CMSS1: variants seen among roughly 807,000 people sequenced by gnomAD.
The protein encoded by CMSS1 is cms1 ribosomal small subunit homolog, also known as protein CMSS1.
In CMSS1, 33 loss-of-function variants were observed where a neutral mutation model predicts 43.5. The observed-to-expected ratio is 0.76, with a 90% confidence interval of 0.57 to 1.01. CMSS1 has a LOEUF of 1.01. CMSS1 is among the 50% of genes least tolerant of loss of function. The probability of loss-of-function intolerance (pLI) is 0.00; values close to 1 mark genes in which losing one functional copy is unlikely to be tolerated. For missense variants in CMSS1, 313 were observed against 326.4 expected (o/e 0.96, Z 0.32); for synonymous variants, 115 against 117.2 (o/e 0.98, Z 0.12).
rs188812104 is a variant in CMSS1 at position 100,036,881 on chromosome 3, A to G, written c.65-110092A>G. 2.0e-5 allele frequency among the ~76,000 whole-genome samples: 3 copies of G among 152,164 alleles called. No individual in the cohort carries two copies. In the South Asian group the frequency reaches 6.2e-4, roughly 31 times the overall value. On this transcript the variant is annotated intron_variant, in intron 1 of 9. Transcript: ENST00000421999. Reference sequence around the variant, plus strand: ...TATTACGCAGTGAGAAAGATACGTTATTTCTGTGGTATTCCTGCCCCAAAT... The same window carrying G: ...TATTACGCAGTGAGAAAGATACGTTGTTTCTGTGGTATTCCTGCCCCAAAT...
At chr3:100,117,856 T>TATAC (rs2066587853) in intron 1 of CMSS1, among the ~76,000 whole-genome samples, 3 of 57,102 alleles carry the variant, frequency 5.3e-5, no homozygotes, top group African/African-American at 1.3e-4. Context: ...TATATATACA[T>TATAC]ATATATATAT....
chr3:100,175,973 G>A (rs2107534602), intron 8 of CMSS1, among the ~76,000 whole-genome samples: 1 of 152,280 alleles, frequency 6.6e-6, no homozygotes, highest in South Asian at 2.1e-4. Flanking sequence ...TCCTTTGAAA[G>A]GCAACTACCC....
intron 1 of CMSS1, among the ~76,000 whole-genome samples, chr3:99,910,409 T>A (rs1188319737): frequency 7.3e-6 from 1 of 136,308 alleles, no homozygotes; most frequent in Non-Finnish European, 1.7e-5. Context: ...CAGGGTTCTG[T>A]GAGCTTTTAG....
At chr3:99,857,479 T>C (rs1434145774) in intron 1 of CMSS1, among the ~76,000 whole-genome samples, 2 of 152,250 alleles carry the variant, frequency 1.3e-5, no homozygotes, top group Non-Finnish European at 2.9e-5. Context: ...GGAGTGACTA[T>C]TTTATGTTTT....
chr3:100,128,298 T>G (rs1406691515), intron 1 of CMSS1, among the ~76,000 whole-genome samples: 2 of 152,212 alleles, frequency 1.3e-5, no homozygotes, highest in African/African-American at 2.4e-5. Context: ...CCCAGCAGAA[T>G]GTAGAGTTCT....
chr3:99,859,268 TCA>T lies in CMSS1; in HGVS notation c.64+41226_64+41227del, dbSNP rs529612997. On this transcript the variant is annotated intron_variant, in intron 1 of 9. Transcript: ENST00000421999. The stretch of plus-strand genomic sequence containing the variant: ...TGCAAGGCACTGTACTTGCTATTTG[TCA>T]GTTCTTTTTTCCCCAAAACCTGCCT... Among the ~76,000 whole-genome samples, 156 of 152,362 alleles carry T rather than the reference TCA, an allele frequency of 1.0e-3. 4 individuals carry two copies. In the South Asian group the frequency reaches 0.032, roughly 31 times the overall value.
At chr3:99,911,819 T>C (rs751550163) in intron 1 of CMSS1, among the ~76,000 whole-genome samples, 1 of 152,218 alleles carries the variant, frequency 6.6e-6, no homozygotes, top group Non-Finnish European at 1.5e-5. Context: ...CCATGTCTTC[T>C]TCATTATTTT....
chr3:100,045,537 A>G (rs2065265843), intron 1 of CMSS1, among the ~76,000 whole-genome samples: 2 of 152,032 alleles, frequency 1.3e-5, no homozygotes, highest in Non-Finnish European at 2.9e-5. Flanking sequence ...AACACCTCCT[A>G]TAATTCTCCC....
chr3:99,988,233 C>T (rs1709404068), intron 1 of CMSS1, among the ~76,000 whole-genome samples: 1 of 151,164 alleles, frequency 6.6e-6, no homozygotes, highest in Non-Finnish European at 1.5e-5. Flanking sequence ...CGCAGTGCCT[C>T]ACGCCTGTAA....
intron 1 of CMSS1, among the ~76,000 whole-genome samples, chr3:100,042,000 T>G (rs1464635286): frequency 2.0e-5 from 3 of 152,206 alleles, no homozygotes; most frequent in Non-Finnish European, 4.4e-5. Flanking sequence ...CTATATGATC[T>G]GAGTCCCTTT....
At chr3:100,103,431 G>A (rs369985076) in intron 1 of CMSS1, among the ~76,000 whole-genome samples, 1 of 152,210 alleles carries the variant, frequency 6.6e-6, no homozygotes, top group Admixed American at 6.5e-5. Flanking sequence ...TGGGATAACT[G>A]TTTTAATATT....
intron 1 of CMSS1, among the ~76,000 whole-genome samples, chr3:100,055,650 A>AT (rs531110946): frequency 4.3e-4 from 66 of 152,268 alleles, no homozygotes; most frequent in African/African-American, 1.5e-3. Context: ...TGATATGTGC[A>AT]TTTTCACATT....
intron 1 of CMSS1, among the ~76,000 whole-genome samples, chr3:100,097,507 G>T (rs925704398): frequency 6.6e-6 from 1 of 152,098 alleles, no homozygotes; most frequent in Non-Finnish European, 1.5e-5. Flanking sequence ...CACGAACACA[G>T]TATATCTCTC....
At chr3:100,030,926 TA>T (rs1422606453) in intron 1 of CMSS1, among the ~76,000 whole-genome samples, 2 of 152,200 alleles carry the variant, frequency 1.3e-5, no homozygotes, top group African/African-American at 4.8e-5. Flanking sequence ...ATGAAAAATA[TA>T]TAGATTTGCA....
Position 99,894,678 on chromosome 3 carries a change from G to A in CMSS1, c.64+76635G>A, listed in dbSNP as rs9810553. Among the ~76,000 whole-genome samples the A allele has an allele frequency of 5.0e-3, 762 of 152,210 alleles. 6 individuals carry two copies. The highest frequency in any genetic ancestry group is 0.017 in the African/African-American group (719 of 41,512). On this transcript the variant is annotated intron_variant, in intron 1 of 9. Transcript: ENST00000421999. ...TTTCAAGATATTTCCTCATAAAAAC[G>A]ATATTATTAATTATGGAGTTGATTC...
chr3:99,972,088 A>G (rs1287375838), intron 1 of CMSS1, among the ~76,000 whole-genome samples: 2 of 152,196 alleles, frequency 1.3e-5, no homozygotes, highest in Non-Finnish European at 2.9e-5. Flanking sequence ...ATTGAGAGGA[A>G]CCTGGTTCTG....
chr3:99,961,810 G>T (rs1183110451), intron 1 of CMSS1, among the ~76,000 whole-genome samples: 3 of 152,044 alleles, frequency 2.0e-5, no homozygotes, highest in Non-Finnish European at 4.4e-5. Flanking sequence ...AACATCTTTA[G>T]GTCTGCCAAC....
chr3:100,162,190 C>G (rs932686690), intron 3 of CMSS1, 113 bp from the exon 4 acceptor site: 23 of 792,104 alleles, frequency 2.9e-5, no homozygotes, highest in Non-Finnish European at 4.3e-5. Flanking sequence ...CACATTCACA[C>G]TTGGCTAACA....
intron 1 of CMSS1, among the ~76,000 whole-genome samples, chr3:100,139,213 G>A (rs1166285602): frequency 6.6e-6 from 1 of 152,006 alleles, no homozygotes; most frequent in Non-Finnish European, 1.5e-5. Flanking sequence ...TGAAGGGAGG[G>A]AACTTAGAGG....
Sources: gnomAD v4.1 joint callset for allele counts (sites outside exome capture counted in the v4.1 genomes callset) on GRCh38, gnomAD v4.1.1 for gene constraint, MANE v1.5 for transcripts, NCBI Gene and HGNC (gene_info 2026-07-23, HGNC 2026-07-21) for gene names.